The following XPO4 variants were observed in gnomAD, a reference collection of about 807,000 sequenced individuals.
XPO4 encodes exportin 4, also known as exportin-4.
Under a neutral mutation model 143.0 loss-of-function variants are expected in XPO4, and 39 were observed. The observed-to-expected ratio is 0.27, with a 90% CI of 0.21 to 0.36. The LOEUF is 0.36. Ranked by LOEUF, XPO4 falls within the 10% of genes least tolerant of loss-of-function variation. The pLI, the probability that XPO4 is intolerant of heterozygous loss-of-function variation, is 1.00. For synonymous variants in XPO4, 439 were observed against 474.0 expected (o/e 0.93, Z 0.96); for missense variants, 907 against 1,348.0 (o/e 0.67, Z 5.12).
chr13:20,791,948 C>A (rs1346555656), intron 18 of XPO4, among the ~76,000 whole-genome samples: 1 of 152,174 alleles, frequency 6.6e-6, no homozygotes, highest in East Asian at 1.9e-4. Context: ...ATGTTCCCTG[C>A]ACATCATACT....
chr13:20,894,365 G>A (rs1371003931), intron 1 of XPO4, among the ~76,000 whole-genome samples: 2 of 151,992 alleles, frequency 1.3e-5, no homozygotes, highest in East Asian at 3.8e-4. Flanking sequence ...TATTCACAAG[G>A]TTATATTATA....
intron 18 of XPO4, among the ~76,000 whole-genome samples, chr13:20,793,279 C>T (rs2059310584): frequency 2.6e-5 from 4 of 152,100 alleles, no homozygotes; most frequent in African/African-American, 9.7e-5. Flanking sequence ...TTTGTTTCTT[C>T]TGAATTTCAA....
At chr13:20,849,658 C>T (rs1173892979) in intron 4 of XPO4, 2 of 984,660 alleles carry the variant, frequency 2.0e-6, no homozygotes, top group Non-Finnish European at 2.4e-6. Flanking sequence ...ATTTAATAAT[C>T]ATACAGGCAT....
chr13:20,792,227 CCT>C (rs2059291624), intron 18 of XPO4, among the ~76,000 whole-genome samples: 1 of 152,114 alleles, frequency 6.6e-6, no homozygotes, highest in South Asian at 2.1e-4. Context: ...GGGCAGATCC[CCT>C]GAGGCCAGGA....
intron 1 of XPO4, among the ~76,000 whole-genome samples, chr13:20,901,358 G>C (rs373700829): frequency 2.6e-5 from 4 of 152,202 alleles, no homozygotes; most frequent in African/African-American, 9.6e-5. Flanking sequence ...AAGAACTACA[G>C]CCGTGTTTTG....
chr13:20,814,506 A>C (rs542066064), intron 9 of XPO4, among the ~76,000 whole-genome samples: 84 of 152,354 alleles, frequency 5.5e-4, no homozygotes, highest in African/African-American at 1.8e-3. Context: ...CTCATCGAGC[A>C]AAGTGTGAGA....
intron 1 of XPO4, among the ~76,000 whole-genome samples, chr13:20,881,918 G>C (rs551324956): frequency 6.6e-6 from 1 of 151,788 alleles, no homozygotes; most frequent in East Asian, 1.9e-4. Flanking sequence ...GACCAGTCTG[G>C]CCAACAGGGT....
At chr13:20,882,418 A>G (rs948025003) in intron 1 of XPO4, among the ~76,000 whole-genome samples, 4 of 152,012 alleles carry the variant, frequency 2.6e-5, no homozygotes, top group Non-Finnish European at 4.4e-5. Context: ...AAGTGGGGGG[A>G]GGTGCCACAT....
intron 6 of XPO4, among the ~76,000 whole-genome samples, chr13:20,838,750 G>A (rs1458511169): frequency 6.6e-6 from 1 of 151,940 alleles, no homozygotes; most frequent in African/African-American, 2.4e-5. Flanking sequence ...GCCTCCCAAA[G>A]AGAAATGAAA....
At chr13:20,839,549 T>TA (rs2059952988) in intron 6 of XPO4, among the ~76,000 whole-genome samples, 1 of 152,094 alleles carries the variant, frequency 6.6e-6, no homozygotes, top group Non-Finnish European at 1.5e-5. Context: ...ATAAAACTAT[T>TA]ATTGAGACTG....
chr13:20,866,346 G>C, intron 2 of XPO4: 1 of 985,134 alleles, frequency 1.0e-6, no homozygotes, highest in Non-Finnish European at 1.2e-6. Flanking sequence ...TAAAACTCAA[G>C]TTAGAAGTGA....
chr13:20,825,597 T>A (rs1483871770), intron 7 of XPO4, among the ~76,000 whole-genome samples: 1 of 152,234 alleles, frequency 6.6e-6, no homozygotes, highest in Non-Finnish European at 1.5e-5. Context: ...GCTGTTCAGA[T>A]CTGGTAGAGT....
chr13:20,842,291 T>C (rs2059984053), intron 6 of XPO4, among the ~76,000 whole-genome samples: 1 of 152,214 alleles, frequency 6.6e-6, no homozygotes, highest in Non-Finnish European at 1.5e-5. Flanking sequence ...CCTTAAAGTT[T>C]ATGAAATACA....
chr13:20,868,757 T>C, intron 1 of XPO4, 56 bp from the exon 2 acceptor site: 1 of 1,510,028 alleles, frequency 6.6e-7, no homozygotes, highest in East Asian at 2.3e-5. Flanking sequence ...GCTTAAATAA[T>C]ATCAATATTT....
chr13:20,786,939 C>T (rs1194829550), intron 22 of XPO4, 26 bp downstream of exon 22: 2 of 1,531,296 alleles, frequency 1.3e-6, no homozygotes, highest in Non-Finnish European at 1.8e-6. Flanking sequence ...TGAGAAGAGT[C>T]CCCTGAAAAG....
chr13:20,869,467 G>A (rs2060273617), intron 1 of XPO4: 1 of 954,872 alleles, frequency 1.0e-6, no homozygotes, highest in Non-Finnish European at 1.2e-6. Context: ...TGGGAAAGGG[G>A]GCTGGAGGTA....
chr13:20,841,829 AT>A (rs2059977520), intron 6 of XPO4, among the ~76,000 whole-genome samples: 1 of 151,488 alleles, frequency 6.6e-6, no homozygotes, highest in African/African-American at 2.4e-5. Flanking sequence ...AATGAGTCCC[AT>A]ACTAGATCTC....
chr13:20,846,541 A>G (rs2060030647), intron 4 of XPO4, among the ~76,000 whole-genome samples: 1 of 152,216 alleles, frequency 6.6e-6, no homozygotes, highest in Non-Finnish European at 1.5e-5. Context: ...AAAAACAAGT[A>G]CATTCTTAAT....
intron 6 of XPO4, among the ~76,000 whole-genome samples, chr13:20,835,528 T>G (rs903532173): frequency 6.6e-6 from 1 of 152,176 alleles, no homozygotes; most frequent in Non-Finnish European, 1.5e-5. Context: ...ATCTATGTCA[T>G]TGGCCTAACA....
Sources: gnomAD v4.1 joint callset for allele counts (sites outside exome capture counted in the v4.1 genomes callset) on GRCh38, gnomAD v4.1.1 for gene constraint, MANE v1.5 for transcripts, NCBI Gene and HGNC (gene_info 2026-07-23, HGNC 2026-07-21) for gene names.